PTPRS: variants seen among roughly 807,000 people sequenced by gnomAD.
PTPRS encodes the protein protein tyrosine phosphatase receptor type S.
A neutral mutation model predicts 215.3 loss-of-function variants in PTPRS; 63 were observed. The ratio of observed to expected loss-of-function variants is 0.29; its 90% CI spans 0.24 to 0.36. The LOEUF is 0.36. Ranked by LOEUF, PTPRS falls within the 10% of genes least tolerant of loss-of-function variation. The probability of loss-of-function intolerance (pLI) is 1.00; values close to 1 mark genes in which losing one functional copy is unlikely to be tolerated. For missense variants in PTPRS, 2,258 were observed against 2,825.8 expected (o/e 0.80, Z 4.56); for synonymous variants, 1,404 against 1,191.4 (o/e 1.18, Z -3.68).
chr19:5,319,401 G>A lies in PTPRS; in HGVS notation c.-95+21263C>T, dbSNP rs557374810. On this transcript the variant is annotated intron_variant, in intron 1 of 37. Coordinates refer to ENST00000262963, the MANE Select transcript of PTPRS (RefSeq NM_002850.4). ...ACTGCAGTCCAGCCTGGACGACAGA[G>A]CCAGACCTTGTCTTTTTTTTTTTTT... 1.1e-4 allele frequency among the ~76,000 whole-genome samples: 17 copies of A among 150,188 alleles called. No individual in the cohort carries two copies. The South Asian group carries it at 1.3e-3, about 11-fold the overall frequency.
intron 11 of PTPRS, among the ~76,000 whole-genome samples, chr19:5,243,636 C>T (rs746898413): frequency 8.6e-5 from 13 of 151,854 alleles, no homozygotes; most frequent in Non-Finnish European, 1.5e-4. Context: ...CAGGCCACCA[C>T]GCCCGGCTAA....
rs373274008 is a variant in PTPRS at position 5,317,067 on chromosome 19, A to C, written c.-95+23597T>G. On this transcript the variant is annotated intron_variant, in intron 1 of 37. Coordinates refer to ENST00000262963, the MANE Select transcript of PTPRS (RefSeq NM_002850.4). ...CAAACATCAGGGTTTGTCAACTCAC[A>C]CTTTGAGGGCTGGAGTGGCCATGGC... Among the ~76,000 whole-genome samples, 7 of 152,158 alleles carry C rather than the reference A, an allele frequency of 4.6e-5. No individual in the cohort carries two copies. In the East Asian group the frequency reaches 1.2e-3, roughly 25 times the overall value.
intron 1 of PTPRS, among the ~76,000 whole-genome samples, chr19:5,310,183 A>G (rs2049649293): frequency 6.6e-6 from 1 of 152,060 alleles, no homozygotes; most frequent in Admixed American, 6.5e-5. Flanking sequence ...CCCTCCCCTC[A>G]GATGTCAGCA....
chr19:5,278,183 CAAAAA>C, intron 2 of PTPRS: 6 of 126,202 alleles, frequency 4.8e-5, no homozygotes, highest in Non-Finnish European at 6.1e-5. Context: ...TAGAAACTGC[CAAAAA>C]AAAAAAAAAA....
intron 25 of PTPRS, 126 bp from the exon 26 acceptor site, chr19:5,216,893 A>C (rs1327558427): frequency 9.5e-6 from 6 of 631,826 alleles, no homozygotes; most frequent in Non-Finnish European, 1.7e-5. Context: ...AACGGGGGGT[A>C]TGTACAGCCA....
chr19:5,222,869 G>A lies in PTPRS; in HGVS notation c.2923C>T (p.Leu975=), dbSNP rs775473388. Residue 975 remains leucine (L), a synonymous_variant, in exon 18 of 38, where the codon CTG becomes TTG. Coordinates refer to ENST00000262963, the MANE Select transcript of PTPRS (RefSeq NM_002850.4). The part of the protein sequence containing the change: ...YTVAVREAGA[L]GPARETELPA... ...AGCTCAGTCTCTCGGGCAGGGCCCA[G>A]GGCACCGGCCTCCCGCACGGCCACC... is the stretch of plus-strand genomic sequence containing the variant. 5 of 1,585,272 alleles carry A rather than the reference G, an allele frequency of 3.2e-6. No individual in the cohort carries two copies. The East Asian group carries it at 6.8e-5, about 22-fold the overall frequency.
chr19:5,241,805 G>T lies in PTPRS; in HGVS notation c.1571-1473C>A, dbSNP rs1964064625. 2.0e-5 allele frequency among the ~76,000 whole-genome samples: 3 copies of T among 152,138 alleles called. No individual in the cohort carries two copies. In the South Asian group the frequency reaches 6.2e-4, roughly 32 times the overall value. On this transcript the variant is annotated intron_variant, in intron 11 of 37. Coordinates refer to ENST00000262963, the MANE Select transcript of PTPRS (RefSeq NM_002850.4). The stretch of plus-strand genomic sequence containing the variant: ...CAAGTCCTGCCACCTGAGCAGGGAG[G>T]GAGACTGGCCCACTGCCTTAGGGGT...
At chr19:5,235,820 T>C (rs1358440868) in intron 13 of PTPRS, among the ~76,000 whole-genome samples, 1 of 152,126 alleles carries the variant, frequency 6.6e-6, no homozygotes, top group Non-Finnish European at 1.5e-5. Flanking sequence ...ACACTGAGAG[T>C]TCCCGCATAT....
At chr19:5,218,898 C>T (rs1490578907) in intron 23 of PTPRS, 100 bp from the exon 24 acceptor site, 5 of 1,263,862 alleles carry the variant, frequency 4.0e-6, no homozygotes, top group South Asian at 1.4e-5. Flanking sequence ...TCAGTGCCTT[C>T]CTTAACCTCT....
In PTPRS at chr19:5,206,571, G is replaced by A. The variant is rs563485911; in HGVS notation, c.*203C>T. Reference sequence around the variant, plus strand: ...TGCCAAGTATTTGAAGGCGGCGGCCGGTGCCAGGGAGGTCGCTGGGGCGGC... The same window carrying A: ...TGCCAAGTATTTGAAGGCGGCGGCCAGTGCCAGGGAGGTCGCTGGGGCGGC... On this transcript the variant is annotated 3_prime_UTR_variant, in exon 38 of 38. Transcript: ENST00000262963. 6.1e-5 allele frequency: 31 copies of A among 511,712 alleles called. No individual in the cohort carries two copies. In the East Asian group the frequency reaches 8.9e-4, roughly 15 times the overall value. 31.7% of individuals were successfully genotyped at this position (511,712 alleles called of 1,614,324 possible).
chr19:5,215,639 G>C (rs368566913), intron 26 of PTPRS, 44 bp from the exon 27 acceptor site: 22 of 1,381,964 alleles, frequency 1.6e-5, no homozygotes, highest in East Asian at 9.6e-5. Context: ...CACTTGGGGG[G>C]CCAGCCGGGG....
chr19:5,340,120 C>T (rs916943621), intron 1 of PTPRS, among the ~76,000 whole-genome samples: 24 of 150,346 alleles, frequency 1.6e-4, no homozygotes, highest in African/African-American at 5.6e-4. Context: ...GCGCAGCAGC[C>T]CTGGAGCCAC....
In PTPRS at chr19:5,338,783, C is replaced by A. The variant is rs1281334019; in HGVS notation, c.-95+1881G>T. Among the ~76,000 whole-genome samples, 1 of 152,156 alleles carries A rather than the reference C, an allele frequency of 6.6e-6. No homozygotes were observed. Among genetic ancestry groups the A allele is most frequent in the African/African-American group, 2.4e-5 (1 of 41,438 alleles). On this transcript the variant is annotated intron_variant, in intron 1 of 37. Coordinates refer to ENST00000262963, the MANE Select transcript of PTPRS (RefSeq NM_002850.4). The surrounding 1 kb of genome is among the most constrained non-coding windows in gnomAD (Gnocchi z 4.2). ...GTCCCTGGGCCATTAATAAACGCTC[C>A]AGCAGCTGCCGCTGGTATCGCAGGA...
Position 5,248,799 on chromosome 19 carries a change from G to T in PTPRS, c.719-2754C>A, listed in dbSNP as rs114497190. 5.0e-3 allele frequency among the ~76,000 whole-genome samples: 754 copies of T among 152,322 alleles called. 9 individuals carry two copies. Among genetic ancestry groups the T allele is most frequent in the African/African-American group, 0.017 (717 of 41,570 alleles). Reference sequence around the variant, plus strand: ...TGGCTGAATGAGCCCAGTGGCCTTGGGAAGGTCCCCCATCCTCCTGGAGCC... The same window carrying T: ...TGGCTGAATGAGCCCAGTGGCCTTGTGAAGGTCCCCCATCCTCCTGGAGCC... On this transcript the variant is annotated intron_variant, in intron 9 of 37. Transcript: ENST00000262963.
intron 9 of PTPRS, among the ~76,000 whole-genome samples, chr19:5,255,557 C>T (rs968314130): frequency 1.1e-4 from 16 of 148,266 alleles, no homozygotes; most frequent in African/African-American, 4.0e-4. Flanking sequence ...TTTTTTCCCC[C>T]CAAAACGAAA....
At position 5,219,428 on chromosome 19, in the gene PTPRS, C is replaced by G. The variant is rs761904835; in HGVS notation, c.3805G>C (p.Asp1269His). The G allele has an allele frequency of 1.2e-6, 2 of 1,610,680 alleles. No individual in the cohort carries two copies. Among genetic ancestry groups the G allele is most frequent in the Non-Finnish European group, 1.7e-6 (2 of 1,178,418 alleles). Residue 1269 changes from aspartate to histidine, a missense_variant, in exon 23 of 38, where the codon GAT (aspartate) becomes CAT (histidine). By Grantham distance (81) the Asp-to-His change is moderately conservative. This residue lies in a region of PTPRS where 927 missense variants were observed against 1,125.9 expected (regional missense o/e 0.82). Transcript: ENST00000262963. ...ASPFSDPFQL[D>H]NPDPQPIVDG... ...ACGATGGGCTGGGGGTCCGGGTTAT[C>G]CAGCTGGAAGGGGTCTGAGAAGGGA...
At chr19:5,208,681 T>C (rs1054923555) in intron 35 of PTPRS, among the ~76,000 whole-genome samples, 2 of 152,052 alleles carry the variant, frequency 1.3e-5, no homozygotes, top group Non-Finnish European at 2.9e-5. Flanking sequence ...CTGCCATTCA[T>C]TTACCCTGAC....
rs781304015 is a variant in PTPRS, at chr19:5,265,127, C to T, written c.449G>A (p.Arg150Gln). The change falls in exon 5 of 38, where the codon CGG becomes CAG. Residue 150 changes from arginine (R) to glutamine (Q), a missense_variant. Physicochemically the swap from Arg to Gln is conservative, Grantham distance 43. Transcript: ENST00000262963. ...GGCTGCACAGAGCATGGTGGCTGTC[C>T]GTGTCCGCTCCACCACCTTCAACTG... is the stretch of plus-strand genomic sequence containing the variant. ...GPQLKVVERT[R>Q]TATMLCAASG... The T allele has an allele frequency of 1.2e-6, 2 of 1,614,124 alleles. No individual in the cohort carries two copies.
intron 6 of PTPRS, 31 bp from the exon 7 acceptor site, chr19:5,260,853 T>C (rs1247903230): frequency 6.3e-7 from 1 of 1,595,096 alleles, no homozygotes. Context: ...ACCAGGTGAA[T>C]GTCACAAGGC....
Sources: gnomAD v4.1 joint callset for allele counts (sites outside exome capture counted in the v4.1 genomes callset) on GRCh38, gnomAD v4.1.1 for gene constraint, gnomAD v4.1.1 regional missense constraint, Gnocchi (gnomAD v3.1) non-coding constraint, MANE v1.5 for transcripts, NCBI Gene and HGNC (gene_info 2026-07-23, HGNC 2026-07-21) for gene names.